ABTB2: variants seen among roughly 807,000 people sequenced by gnomAD.
ABTB2 encodes the protein ankyrin repeat and BTB domain containing 2.
Under a neutral mutation model 104.1 loss-of-function variants are expected in ABTB2, and 56 were observed. That is an observed-to-expected ratio of 0.54 (90% CI 0.43 to 0.67). The LOEUF (loss-of-function observed/expected upper bound fraction) is 0.67. Among genes scored for constraint, ABTB2 ranks in the 30% least tolerant of loss-of-function variants. ABTB2 has a pLI of 0.00. For missense variants in ABTB2, 1,279 were observed against 1,407.7 expected (o/e 0.91, Z 1.46); for synonymous variants, 606 against 608.2 (o/e 1.00, Z 0.05).
At chr11:34,244,572 T>A (rs1853961306) in intron 1 of ABTB2, among the ~76,000 whole-genome samples, 1 of 152,230 alleles carries the variant, frequency 6.6e-6, no homozygotes, top group African/African-American at 2.4e-5. Context: ...TTTCATTTAC[T>A]CTTCCCCATG....
At chr11:34,336,044 TAA>T in intron 1 of ABTB2, 1 of 423,072 alleles carries the variant, frequency 2.4e-6, no homozygotes, top group Non-Finnish European at 4.3e-6. Flanking sequence ...TTTCCTTTGG[TAA>T]AGTTATTCCA....
At chr11:34,282,774 C>T (rs571207134) in intron 1 of ABTB2, among the ~76,000 whole-genome samples, 6 of 152,172 alleles carry the variant, frequency 3.9e-5, no homozygotes, top group African/African-American at 9.6e-5. Context: ...TCAGGTGATT[C>T]GCCCACCTCG....
At chr11:34,160,562 C>T (rs1415710231) in intron 11 of ABTB2, among the ~76,000 whole-genome samples, 1 of 151,774 alleles carries the variant, frequency 6.6e-6, no homozygotes, top group African/African-American at 2.4e-5. Context: ...AGCCCATGGC[C>T]CCTGCCCTCT....
chr11:34,234,474 C>T (rs921460958), intron 1 of ABTB2, among the ~76,000 whole-genome samples: 1 of 152,180 alleles, frequency 6.6e-6, no homozygotes, highest in Non-Finnish European at 1.5e-5. Context: ...TAACTACTCA[C>T]ACCCAGGGTC....
chr11:34,343,056 G>A (rs937035035), intron 1 of ABTB2, among the ~76,000 whole-genome samples: 3 of 152,002 alleles, frequency 2.0e-5, no homozygotes, highest in Non-Finnish European at 4.4e-5. Flanking sequence ...TGCAACCTCC[G>A]CATCCTGAGT....
At chr11:34,256,241 AAC>A (rs1324631275) in intron 1 of ABTB2, among the ~76,000 whole-genome samples, 1 of 152,164 alleles carries the variant, frequency 6.6e-6, no homozygotes, top group Non-Finnish European at 1.5e-5. Flanking sequence ...AACTTAATAA[AAC>A]ACAGACAGAA....
chr11:34,310,488 T>C (rs1590251271), intron 1 of ABTB2, among the ~76,000 whole-genome samples: 1 of 152,228 alleles, frequency 6.6e-6, no homozygotes, highest in East Asian at 1.9e-4. Context: ...AAGTACTCCA[T>C]GGTGCCCTTG....
At chr11:34,328,537 G>C (rs751063165) in intron 1 of ABTB2, among the ~76,000 whole-genome samples, 13 of 152,156 alleles carry the variant, frequency 8.5e-5, no homozygotes, top group Non-Finnish European at 1.8e-4. Context: ...AAAATTCTTA[G>C]CACTGTACCT....
At chr11:34,265,020 C>T (rs1000453368) in intron 1 of ABTB2, among the ~76,000 whole-genome samples, 3 of 152,230 alleles carry the variant, frequency 2.0e-5, no homozygotes, top group Non-Finnish European at 4.4e-5. Flanking sequence ...TCACTATCAA[C>T]TCAGGATTTT....
At chr11:34,249,391 G>A (rs551070181) in intron 1 of ABTB2, among the ~76,000 whole-genome samples, 1 of 152,206 alleles carries the variant, frequency 6.6e-6, no homozygotes, top group African/African-American at 2.4e-5. Flanking sequence ...AATATCCAGA[G>A]CTGGCTGCAG....
intron 1 of ABTB2, among the ~76,000 whole-genome samples, chr11:34,343,094 C>T (rs761386903): frequency 2.4e-4 from 37 of 152,078 alleles, no homozygotes; most frequent in Non-Finnish European, 4.7e-4. Context: ...CTCAGCCTCC[C>T]GAGTAGCTGG....
chr11:34,234,460 A>T (rs532085571), intron 1 of ABTB2, among the ~76,000 whole-genome samples: 2 of 152,250 alleles, frequency 1.3e-5, no homozygotes, highest in Non-Finnish European at 2.9e-5. Flanking sequence ...ACTGATAACA[A>T]GACTAACTAC....
At chr11:34,306,500 A>T (rs986194758) in intron 1 of ABTB2, among the ~76,000 whole-genome samples, 7 of 151,960 alleles carry the variant, frequency 4.6e-5, no homozygotes, top group African/African-American at 1.7e-4. Flanking sequence ...GCCTGCCTCA[A>T]GCTCCCAAAG....
intron 1 of ABTB2, 59 bp from the exon 2 acceptor site, chr11:34,204,749 C>A: frequency 6.4e-7 from 1 of 1,554,034 alleles, no homozygotes; most frequent in South Asian, 1.2e-5. Flanking sequence ...TCAGTGGGCC[C>A]CAGCCTGCTG....
At chr11:34,279,805 T>TTTTG (rs1854428831) in intron 1 of ABTB2, among the ~76,000 whole-genome samples, 1 of 150,188 alleles carries the variant, frequency 6.7e-6, no homozygotes, top group African/African-American at 2.4e-5. Context: ...TTTTTTTTTT[T>TTTTG]GAGATGGAGT....
chr11:34,186,294 G>A (rs954579611), intron 3 of ABTB2, among the ~76,000 whole-genome samples: 3 of 152,218 alleles, frequency 2.0e-5, no homozygotes, highest in Admixed American at 6.5e-5. Flanking sequence ...ACAGCTGTCA[G>A]GGCGGCTGGT....
chr11:34,283,966 AG>A (rs1208722320), intron 1 of ABTB2, among the ~76,000 whole-genome samples: 4 of 152,226 alleles, frequency 2.6e-5, no homozygotes, highest in African/African-American at 7.2e-5. Flanking sequence ...AATCTAAAGG[AG>A]GGCTTCCCTA....
intron 1 of ABTB2, among the ~76,000 whole-genome samples, chr11:34,328,483 G>T (rs1855095361): frequency 6.6e-6 from 1 of 152,138 alleles, no homozygotes; most frequent in African/African-American, 2.4e-5. Context: ...AACAGTATCT[G>T]CCCTTCTACT....
At chr11:34,258,169 C>T (rs1255047882) in intron 1 of ABTB2, among the ~76,000 whole-genome samples, 4 of 152,306 alleles carry the variant, frequency 2.6e-5, no homozygotes, top group South Asian at 4.1e-4. Flanking sequence ...GGTCCCAGGG[C>T]ATACTTTATG....
Sources: allele counts gnomAD v4.1 joint callset (sites outside exome capture counted in the v4.1 genomes callset), GRCh38; gene constraint gnomAD v4.1.1; transcripts MANE v1.5; gene names NCBI Gene and HGNC (gene_info 2026-07-23, HGNC 2026-07-21).